The following SLC16A12 variants were observed in gnomAD, a reference collection of about 807,000 sequenced individuals.
SLC16A12 encodes the protein solute carrier family 16 member 12.
In SLC16A12, 17 loss-of-function variants were observed where a neutral mutation model predicts 42.4. The observed-to-expected ratio is 0.40, with a 90% CI of 0.27 to 0.60. The LOEUF (loss-of-function observed/expected upper bound fraction) is 0.60, where lower values mean the gene tolerates loss of function less well. Among genes scored for constraint, SLC16A12 ranks in the 20% least tolerant of loss-of-function variants. The pLI is 0.42. For synonymous variants in SLC16A12, 224 were observed against 229.4 expected, an observed-to-expected ratio of 0.98 and a Z score of 0.21; for missense variants, 544 against 623.0, an observed-to-expected ratio of 0.87 and a Z score of 1.35.
chr10:89,445,294 C>G (rs1368926784), intron 3 of SLC16A12, among the ~76,000 whole-genome samples: 1 of 152,218 alleles, frequency 6.6e-6, no homozygotes, highest in African/African-American at 2.4e-5. Flanking sequence ...GGTCCCTGAC[C>G]CCCGTGTAGC....
intron 2 of SLC16A12, among the ~76,000 whole-genome samples, chr10:89,487,993 T>TAATATATA (rs1320601071): frequency 1.7e-5 from 2 of 119,638 alleles, no homozygotes; most frequent in Admixed American, 8.6e-5. Flanking sequence ...TATATATATA[T>TAATATATA]ATACACACAC....
chr10:89,554,084 GAAAGAAAGAAAGAAA>G lies in SLC16A12; in HGVS notation c.-47+1783_-47+1797del, dbSNP rs1589740898. On this transcript the variant is annotated intron_variant, in intron 2 of 2. Transcript: ENST00000475682. ...AGAAAGAAAGAAAGAAAGAAAGAAAGAAAGAAAGAAAGAAAGAAGGAAGGAAGGAAGGAAGGAAGG... is the reference window on the plus strand; with the variant it reads ...AGAAAGAAAGAAAGAAAGAAAGAAAGGAAGGAAGGAAGGAAGGAAGGAAGG... Among the ~76,000 whole-genome samples the G allele has an allele frequency of 3.7e-3, 374 of 102,458 alleles. 1 individual carries two copies. The highest frequency in any genetic ancestry group is 0.015 in the Middle Eastern group (3 of 204). The allele number at this position is 102,458 out of a possible 152,430, so 67.2% of individuals were successfully genotyped here. A position where few individuals can be genotyped will look rare whatever the true frequency, so the allele number is the denominator to read the frequency against.
At chr10:89,514,680 C>T (rs1199273559) in intron 2 of SLC16A12, among the ~76,000 whole-genome samples, 1 of 152,214 alleles carries the variant, frequency 6.6e-6, no homozygotes, top group Non-Finnish European at 1.5e-5. Context: ...TTCCAAATAC[C>T]ATCACATTGG....
intron 2 of SLC16A12, among the ~76,000 whole-genome samples, chr10:89,476,709 C>CG (rs1393365143): frequency 1.3e-5 from 2 of 152,270 alleles, no homozygotes; most frequent in Non-Finnish European, 2.9e-5. Flanking sequence ...GCCTTCCCAG[C>CG]ACTGGGGTCA....
intron 3 of SLC16A12, among the ~76,000 whole-genome samples, chr10:89,456,640 C>T (rs1842195344): frequency 6.6e-6 from 1 of 151,922 alleles, no homozygotes; most frequent in Admixed American, 6.6e-5. Flanking sequence ...ACCTATCAAC[C>T]CATCACCTAA....
rs956782601 is a variant in SLC16A12, at chr10:89,432,704, C to T, written c.*360G>A. The T allele has an allele frequency of 2.3e-5, 5 of 213,574 alleles. No homozygotes were observed. Among genetic ancestry groups the T allele is most frequent in the Non-Finnish European group, 3.8e-5 (4 of 105,416 alleles). 13.2% of individuals were successfully genotyped at this position (213,574 alleles called of 1,614,324 possible). A position where few individuals can be genotyped will look rare whatever the true frequency, so the allele number is the denominator to read the frequency against. On this transcript the variant is annotated 3_prime_UTR_variant, in exon 8 of 8. Coordinates refer to ENST00000371790, the MANE Select transcript of SLC16A12 (RefSeq NM_213606.4). ...CTTTCTGAGGAGGGAACATGAAGGG[C>T]CTGAGACTGGAACAAAGCTGCTGCC...
At chr10:89,482,683 C>A (rs1035438508) in intron 2 of SLC16A12, among the ~76,000 whole-genome samples, 1 of 151,534 alleles carries the variant, frequency 6.6e-6, no homozygotes, top group Non-Finnish European at 1.5e-5. Flanking sequence ...ACTAGGGAAG[C>A]TGAGGTGGGA....
intron 3 of SLC16A12, among the ~76,000 whole-genome samples, chr10:89,448,202 C>T (rs1842035016): frequency 6.6e-6 from 1 of 152,166 alleles, no homozygotes; most frequent in Non-Finnish European, 1.5e-5. Context: ...TGGTACCATT[C>T]CTTCTGAAAC....
At chr10:89,532,682 A>G (rs1843574825) in intron 2 of SLC16A12, among the ~76,000 whole-genome samples, 1 of 152,226 alleles carries the variant, frequency 6.6e-6, no homozygotes, top group Non-Finnish European at 1.5e-5. Context: ...ATACGACTGA[A>G]AAACTGCCAA....
intron 2 of SLC16A12, among the ~76,000 whole-genome samples, chr10:89,528,723 T>C (rs1843494821): frequency 6.6e-6 from 1 of 152,262 alleles, no homozygotes; most frequent in East Asian, 1.9e-4. Context: ...ATGTCCATAG[T>C]TTCTCAACCC....
intron 2 of SLC16A12, among the ~76,000 whole-genome samples, chr10:89,465,531 T>C (rs303161): frequency 3.3e-5 from 5 of 152,178 alleles, no homozygotes; most frequent in Non-Finnish European, 5.9e-5. Context: ...AGAATAAGTT[T>C]TTCCAAAATA....
At chr10:89,475,214 G>A (rs1008902762) in intron 2 of SLC16A12, among the ~76,000 whole-genome samples, 1 of 152,186 alleles carries the variant, frequency 6.6e-6, no homozygotes, top group Non-Finnish European at 1.5e-5. Flanking sequence ...GTATTAAAGG[G>A]TAATTTTCCA....
chr10:89,436,793 G>A (rs1324357616), intron 6 of SLC16A12, among the ~76,000 whole-genome samples: 1 of 108,242 alleles, frequency 9.2e-6, no homozygotes, highest in Non-Finnish European at 1.8e-5. Context: ...AAGAAAGAAA[G>A]GAAAGGAAAG....
Position 89,433,064 on chromosome 10 carries a change from T to G in SLC16A12, c.1551A>C (p.Ter517CysextTer46). 1 of 1,614,118 alleles carries G rather than the reference T, an allele frequency of 6.2e-7. No homozygotes were observed. The highest frequency in any genetic ancestry group is 8.5e-7 in the Non-Finnish European group (1 of 1,179,998). ...AGATTCTGGGGCTCAAGGCCTTTGG[T>G]CATGTGAGGCTGTAGCCAGGCACTG... is the stretch of plus-strand genomic sequence containing the variant. ...ATAVPGYSLT* is the reference protein window; with the variant it reads ...ATAVPGYSLTC Residue 517 changes from the stop codon to cysteine, a stop_lost, in exon 8 of 8, where the codon TGA becomes TGC. Coordinates refer to ENST00000371790, the MANE Select transcript of SLC16A12 (RefSeq NM_213606.4).
intron 2 of SLC16A12, among the ~76,000 whole-genome samples, chr10:89,550,494 G>T (rs1348110992): frequency 1.3e-5 from 2 of 152,148 alleles, no homozygotes; most frequent in African/African-American, 2.4e-5. Context: ...ACTCCAGCCT[G>T]GGCTATACAG....
At chr10:89,550,630 T>C (rs1041003826) in intron 2 of SLC16A12, among the ~76,000 whole-genome samples, 4 of 152,172 alleles carry the variant, frequency 2.6e-5, no homozygotes, top group Admixed American at 2.0e-4. Flanking sequence ...CCTCTGACCA[T>C]GGCCCATAAT....
Position 89,469,020 on chromosome 10 carries a change from T to C in SLC16A12, c.-46-6396A>G, listed in dbSNP as rs568645413. 3.9e-5 allele frequency among the ~76,000 whole-genome samples: 6 copies of C among 152,210 alleles called. No homozygotes were observed. The East Asian group carries it at 5.8e-4, about 15-fold the overall frequency. On this transcript the variant is annotated intron_variant, in intron 2 of 7. Coordinates refer to ENST00000371790, the MANE Select transcript of SLC16A12 (RefSeq NM_213606.4). Reference sequence around the variant, plus strand: ...TGGTGCATGCCGTAATCCCAGCTACTTGGGGGGCTGAGGCATGAGAATCAC... The same window carrying C: ...TGGTGCATGCCGTAATCCCAGCTACCTGGGGGGCTGAGGCATGAGAATCAC...
At chr10:89,448,562 C>T (rs2133708864) in intron 3 of SLC16A12, among the ~76,000 whole-genome samples, 1 of 152,308 alleles carries the variant, frequency 6.6e-6, no homozygotes, top group East Asian at 1.9e-4. Flanking sequence ...AACATCCCTT[C>T]ATGCTAAAAA....
intron 2 of SLC16A12, among the ~76,000 whole-genome samples, chr10:89,527,690 C>T (rs566762342): frequency 5.2e-4 from 79 of 151,526 alleles, no homozygotes; most frequent in African/African-American, 1.8e-3. Flanking sequence ...ACCTGTAGTT[C>T]CAGCTACTTT....
Sources: allele counts gnomAD v4.1 joint callset (sites outside exome capture counted in the v4.1 genomes callset), GRCh38; gene constraint gnomAD v4.1.1; transcripts MANE v1.5; gene names NCBI Gene and HGNC (gene_info 2026-07-23, HGNC 2026-07-21).